The following SYT9 variants were observed in gnomAD, a reference collection of about 807,000 sequenced individuals.
SYT9 encodes synaptotagmin-9.
Under a neutral mutation model 48.4 loss-of-function variants are expected in SYT9, and 22 were observed. The observed-to-expected ratio is 0.45, with a 90% CI of 0.32 to 0.65. SYT9 has a LOEUF of 0.65. Among genes scored for constraint, SYT9 ranks in the 30% least tolerant of loss-of-function variants. The pLI is 0.03. For synonymous variants in SYT9, 265 were observed against 245.0 expected, an observed-to-expected ratio of 1.08 and a Z score of -0.76; for missense variants, 577 against 622.0, an observed-to-expected ratio of 0.93 and a Z score of 0.77.
intron 3 of SYT9, among the ~76,000 whole-genome samples, chr11:7,337,775 G>A (rs1397755253): frequency 6.6e-6 from 1 of 152,208 alleles, no homozygotes; most frequent in Non-Finnish European, 1.5e-5. Context: ...CTAGCATTTT[G>A]TTGAGGATTT....
chr11:7,418,138 C>T lies in SYT9; in HGVS notation c.1337+10C>T. 1.2e-6 allele frequency: 2 copies of T among 1,611,762 alleles called. No individual in the cohort carries two copies. The highest frequency in any genetic ancestry group is 1.7e-6 in the Non-Finnish European group (2 of 1,179,054). On this transcript the variant is annotated intron_variant, in intron 5 of 6. Transcript: ENST00000318881. Reference sequence around the variant, plus strand: ...TCATGGACTATGACCGGTGAGATACCTGGAACTCTTTTCCAGTGCAAGTTC... The same window carrying T: ...TCATGGACTATGACCGGTGAGATACTTGGAACTCTTTTCCAGTGCAAGTTC...
At chr11:7,299,884 A>G (rs113838881) in intron 1 of SYT9, among the ~76,000 whole-genome samples, 48 of 152,252 alleles carry the variant, frequency 3.2e-4, no homozygotes, top group African/African-American at 1.1e-3. Flanking sequence ...GCAGAACTTC[A>G]ATTTACTTAG....
chr11:7,288,300 A>AAC (rs1848634709), intron 1 of SYT9, among the ~76,000 whole-genome samples: 1 of 151,502 alleles, frequency 6.6e-6, no homozygotes, highest in South Asian at 2.1e-4. Context: ...AAAAAAAAAA[A>AAC]AACTCTTCAT....
intron 2 of SYT9, among the ~76,000 whole-genome samples, chr11:7,308,551 G>A (rs1036476043): frequency 6.6e-6 from 1 of 152,210 alleles, no homozygotes; most frequent in Admixed American, 6.5e-5. Context: ...GGACCAAGAT[G>A]CAAATGGATT....
upstream of SYT9, chr11:7,251,849 C>G: frequency 4.6e-6 from 1 of 216,646 alleles, no homozygotes; most frequent in Admixed American, 5.9e-5. Flanking sequence ...GCACTCCTGA[C>G]CTGGCCCCGC....
intron 3 of SYT9, among the ~76,000 whole-genome samples, chr11:7,334,812 A>G (rs1051215330): frequency 7.2e-5 from 11 of 152,228 alleles, no homozygotes; most frequent in Non-Finnish European, 1.6e-4. Context: ...TGTATTAATA[A>G]TTCAATCTTT....
intron 1 of SYT9, among the ~76,000 whole-genome samples, chr11:7,263,221 C>G (rs1848111976): frequency 6.6e-6 from 1 of 152,166 alleles, no homozygotes; most frequent in Admixed American, 6.5e-5. Context: ...TTATTTCTCA[C>G]AGTTCTGGAG....
chr11:7,385,640 T>A (rs1303761252), intron 3 of SYT9, among the ~76,000 whole-genome samples: 1 of 152,078 alleles, frequency 6.6e-6, no homozygotes, highest in Non-Finnish European at 1.5e-5. Context: ...CATGTACCCC[T>A]GAACCTTAAA....
At chr11:7,239,369 C>A (rs1157455895) in intron 1 of SYT9, among the ~76,000 whole-genome samples, 2 of 152,110 alleles carry the variant, frequency 1.3e-5, no homozygotes, top group Non-Finnish European at 2.9e-5. Flanking sequence ...CTACAGCAGT[C>A]TTTTTGTAAC....
At position 7,252,607 on chromosome 11, in the gene SYT9, C is replaced by T. The variant is rs1847893863; in HGVS notation, c.145+276C>T. Among the ~76,000 whole-genome samples the T allele has an allele frequency of 6.6e-6, 1 of 152,214 alleles. No individual in the cohort carries two copies. The highest frequency in any genetic ancestry group is 1.5e-5 in the Non-Finnish European group (1 of 68,040). ...ACCTGCGCTCCCATCGCCAAGGCTC[C>T]TGGGGGCGGCTCCCTAGCTCCGAGC... On this transcript the variant is annotated intron_variant, in intron 1 of 6. Transcript: ENST00000318881. This position sits in a 1 kb window ranked among gnomAD's most constrained non-coding sequence, Gnocchi z 6.3.
rs557434898 is a variant in SYT9 at position 7,466,489 on chromosome 11, G to A, written c.1468-303G>A. Among the ~76,000 whole-genome samples, 13 of 152,230 alleles carry A rather than the reference G, an allele frequency of 8.5e-5. 1 individual carries two copies. The South Asian group carries it at 1.7e-3, about 19-fold the overall frequency. On this transcript the variant is annotated intron_variant, in intron 6 of 6. Transcript: ENST00000318881. ...TGTAATCCCACCACTTTGGGAGGCCGAGGCAGGCAGATCACAAGGTCAGGA... is the reference window on the plus strand; with the variant it reads ...TGTAATCCCACCACTTTGGGAGGCCAAGGCAGGCAGATCACAAGGTCAGGA...
Position 7,412,444 on chromosome 11 carries a change from T to C in SYT9, c.1045-3598T>C, listed in dbSNP as rs537697097. Reference sequence around the variant, plus strand: ...AGTTTCTGTATGATCTCCTTGGCTATAAATAGTATCAGTGGTATCTGTGAT... The same window carrying C: ...AGTTTCTGTATGATCTCCTTGGCTACAAATAGTATCAGTGGTATCTGTGAT... On this transcript the variant is annotated intron_variant, in intron 3 of 6. Coordinates refer to ENST00000318881, the MANE Select transcript of SYT9 (RefSeq NM_175733.4). Among the ~76,000 whole-genome samples, 3 of 152,384 alleles carry C rather than the reference T, an allele frequency of 2.0e-5. No individual in the cohort carries two copies. The South Asian group carries it at 6.2e-4, about 32-fold the overall frequency.
chr11:7,316,593 A>G (rs1849247672), intron 3 of SYT9, among the ~76,000 whole-genome samples: 1 of 152,224 alleles, frequency 6.6e-6, no homozygotes, highest in Non-Finnish European at 1.5e-5. Flanking sequence ...TCTGAATAAT[A>G]TCGCAGAGAT....
At chr11:7,399,616 G>C (rs188620498) in intron 3 of SYT9, among the ~76,000 whole-genome samples, 1 of 152,312 alleles carries the variant, frequency 6.6e-6, no homozygotes, top group South Asian at 2.1e-4. Context: ...ATCTGACACT[G>C]GAAGTCCATA....
chr11:7,251,881 G>A (rs1847873501), upstream of SYT9: 1 of 274,978 alleles, frequency 3.6e-6, no homozygotes, highest in Non-Finnish European at 6.8e-6. Context: ...CGCGAGTAGC[G>A]GGCGGAGCGC....
chr11:7,280,947 T>TTGAA (rs1199759283), intron 1 of SYT9, among the ~76,000 whole-genome samples: 4 of 152,240 alleles, frequency 2.6e-5, no homozygotes, highest in Non-Finnish European at 5.9e-5. Flanking sequence ...GCATAGTTTA[T>TTGAA]TGAATTTTAC....
chr11:7,374,032 C>T (rs1019470652), intron 3 of SYT9, among the ~76,000 whole-genome samples: 1 of 152,052 alleles, frequency 6.6e-6, no homozygotes, highest in Non-Finnish European at 1.5e-5. Flanking sequence ...ATCAACCCAT[C>T]ATCTACATTA....
rs1226525616 is a variant in SYT9, at chr11:7,468,520, A to G, written c.*1720A>G. On this transcript the variant is annotated 3_prime_UTR_variant, in exon 7 of 7. Transcript: ENST00000318881. ...TCTGCTCATCCCTCCTCATTCAGAC[A>G]TCCTCCACCATACCAGTGTTTAGAA... 11 of 391,962 alleles carry G rather than the reference A, an allele frequency of 2.8e-5. No individual in the cohort carries two copies. The highest frequency in any genetic ancestry group is 4.5e-5 in the Non-Finnish European group (10 of 222,202). 24.3% of individuals were successfully genotyped at this position (391,962 alleles called of 1,614,324 possible). A position where few individuals can be genotyped will look rare whatever the true frequency, so the allele number is the denominator to read the frequency against.
At chr11:7,444,369 T>C (rs1564906340) in intron 6 of SYT9, 1 of 152,240 alleles carries the variant, frequency 6.6e-6, no homozygotes, top group South Asian at 2.1e-4. Context: ...GACCGACTTT[T>C]CTTCAATGAT....
Sources: gnomAD v4.1 joint callset for allele counts (sites outside exome capture counted in the v4.1 genomes callset) on GRCh38, gnomAD v4.1.1 for gene constraint, Gnocchi (gnomAD v3.1) non-coding constraint, MANE v1.5 for transcripts, NCBI Gene and HGNC (gene_info 2026-07-23, HGNC 2026-07-21) for gene names.